Variants in EFEMP1 observed in about 807,000 individuals in gnomAD.
EFEMP1 encodes EGF-like fibulin extracellular matrix protein 1, also known as EGF-containing fibulin-like extracellular matrix protein 1.
Under a neutral mutation model 65.7 loss-of-function variants are expected in EFEMP1, and 18 were observed. The observed-to-expected ratio is 0.27, with a 90% confidence interval of 0.19 to 0.41. EFEMP1 has a LOEUF of 0.41. EFEMP1 is among the 10% of genes least tolerant of loss of function. The pLI is 1.00. For missense variants in EFEMP1, 469 were observed against 624.8 expected (o/e 0.75, Z 2.66); for synonymous variants, 237 against 219.7 (o/e 1.08, Z -0.70).
In EFEMP1 at chr2:55,867,560, T is replaced by C. The variant is rs568577905; in HGVS notation, c.1321-326A>G. Among the ~76,000 whole-genome samples, 2 of 152,278 alleles carry C rather than the reference T, an allele frequency of 1.3e-5. No homozygotes were observed. Among genetic ancestry groups the C allele is most frequent in the South Asian group, 4.1e-4 (2 of 4,822 alleles). ...AGAGACTAGAGCTTAAGTGAGAATCTGATAATTTCTAAACTTGTAAACAAA... is the reference window on the plus strand; with the variant it reads ...AGAGACTAGAGCTTAAGTGAGAATCCGATAATTTCTAAACTTGTAAACAAA... On this transcript the variant is annotated intron_variant, in intron 11 of 11. Coordinates refer to ENST00000355426, the MANE Select transcript of EFEMP1 (RefSeq NM_001039348.3). This position sits in a 1 kb window ranked among gnomAD's most constrained non-coding sequence, Gnocchi z 4.3.
intron 5 of EFEMP1, among the ~76,000 whole-genome samples, chr2:55,884,506 G>A (rs1669354264): frequency 6.6e-6 from 1 of 152,170 alleles, no homozygotes; most frequent in Non-Finnish European, 1.5e-5. Flanking sequence ...TCCCAGGAGT[G>A]TTGATGACAG....
At chr2:55,905,467 G>A (rs945283528) in intron 5 of EFEMP1, among the ~76,000 whole-genome samples, 1 of 152,076 alleles carries the variant, frequency 6.6e-6, no homozygotes, top group Admixed American at 6.6e-5. Context: ...GTGTGTGTGT[G>A]ACAGAGTTTC....
In EFEMP1 at chr2:55,881,922, T is replaced by G. The variant is rs367908924; in HGVS notation, c.518-188A>C. Among the ~76,000 whole-genome samples, 66 of 152,328 alleles carry G rather than the reference T, an allele frequency of 4.3e-4. 1 individual carries two copies. The highest frequency in any genetic ancestry group is 1.2e-3 in the African/African-American group (50 of 41,588). ...AAATAATTTTGCAAATACCAGTGAG[T>G]ACTGCTCAGATTTAACAAATGCTAA... On this transcript the variant is annotated intron_variant, in intron 5 of 11. Transcript: ENST00000355426.
intron 7 of EFEMP1, among the ~76,000 whole-genome samples, chr2:55,876,995 T>A (rs1669063323): frequency 6.6e-6 from 1 of 152,100 alleles, no homozygotes; most frequent in African/African-American, 2.4e-5. Flanking sequence ...TTTCTAGGAA[T>A]GACAGTTAGT....
chr2:55,875,078 AC>A lies in EFEMP1; in HGVS notation c.881-14del, dbSNP rs764405236. 1 of 1,586,446 alleles carries A rather than the reference AC, an allele frequency of 6.3e-7. No individual in the cohort carries two copies. The highest frequency in any genetic ancestry group is 8.6e-7 in the Non-Finnish European group (1 of 1,163,734). ...CATTCATCAATGTCTGTTGAATTAG[AC>A]AAGAGAAAGGACACAGAGTTGAAAA... On this transcript the variant is annotated splice_polypyrimidine_tract_variant and intron_variant, in intron 8 of 11. Coordinates refer to ENST00000355426, the MANE Select transcript of EFEMP1 (RefSeq NM_001039348.3).
chr2:55,899,659 C>A (rs1436580700), intron 5 of EFEMP1, among the ~76,000 whole-genome samples: 1 of 152,190 alleles, frequency 6.6e-6, no homozygotes, highest in African/African-American at 2.4e-5. Context: ...CATAATCTCT[C>A]AGTTGAGCCC....
At chr2:55,898,250 C>G (rs148269221) in intron 5 of EFEMP1, among the ~76,000 whole-genome samples, 1 of 152,236 alleles carries the variant, frequency 6.6e-6, no homozygotes, top group African/African-American at 2.4e-5. Context: ...TGATGCTTAT[C>G]TTTGTAATAC....
chr2:55,880,616 G>A (rs974306967), intron 6 of EFEMP1, among the ~76,000 whole-genome samples: 2 of 152,180 alleles, frequency 1.3e-5, no homozygotes. Context: ...ATTCTCAGGC[G>A]AAAACTGACG....
At chr2:55,905,648 C>T (rs528032633) in intron 5 of EFEMP1, among the ~76,000 whole-genome samples, 6 of 152,226 alleles carry the variant, frequency 3.9e-5, no homozygotes, top group East Asian at 1.9e-4. Context: ...AGGGTTTCAT[C>T]GTGTTGGTCA....
At chr2:55,911,163 A>G (rs920464324) in intron 5 of EFEMP1, among the ~76,000 whole-genome samples, 2 of 152,144 alleles carry the variant, frequency 1.3e-5, no homozygotes, top group African/African-American at 4.8e-5. Flanking sequence ...TTTAGATTGC[A>G]TACATCATGT....
chr2:55,918,598 C>G (rs1341009935), intron 3 of EFEMP1, among the ~76,000 whole-genome samples: 1 of 146,028 alleles, frequency 6.8e-6, no homozygotes, highest in African/African-American at 2.7e-5. Flanking sequence ...GCCTTTTTTC[C>G]CACATTGGAA....
chr2:55,910,892 G>T (rs1460092411), intron 5 of EFEMP1, among the ~76,000 whole-genome samples: 2 of 152,160 alleles, frequency 1.3e-5, no homozygotes. Flanking sequence ...TACAGTCAAA[G>T]TCAGAGTCAA....
chr2:55,869,763 T>C lies in EFEMP1; in HGVS notation c.1320+957A>G, dbSNP rs139097215. On this transcript the variant is annotated intron_variant, in intron 11 of 11. Coordinates refer to ENST00000355426, the MANE Select transcript of EFEMP1 (RefSeq NM_001039348.3). ...GAAAATTGTAACTGGATGAATAACATCATTAGCATGAAACAGTTACCGTAA... is the reference window on the plus strand; with the variant it reads ...GAAAATTGTAACTGGATGAATAACACCATTAGCATGAAACAGTTACCGTAA... Among the ~76,000 whole-genome samples the C allele has an allele frequency of 5.0e-3, 756 of 152,264 alleles. 5 individuals carry two copies. The highest frequency in any genetic ancestry group is 0.017 in the African/African-American group (723 of 41,560).
Position 55,867,527 on chromosome 2 carries a change from G to C in EFEMP1, c.1321-293C>G, listed in dbSNP as rs1488063208. On this transcript the variant is annotated intron_variant, in intron 11 of 11. Transcript: ENST00000355426. The surrounding 1 kb of genome is among the most constrained non-coding windows in gnomAD (Gnocchi z 4.3). ...TCTTCACTTTTATTGAGTAGTTGTG[G>C]ACTTTACAGAGACTAGAGCTTAAGT... Among the ~76,000 whole-genome samples, 1 of 151,648 alleles carries C rather than the reference G, an allele frequency of 6.6e-6. No homozygotes were observed. Among genetic ancestry groups the C allele is most frequent in the Non-Finnish European group, 1.5e-5 (1 of 67,946 alleles).
chr2:55,900,849 A>G (rs1332358531), intron 5 of EFEMP1, among the ~76,000 whole-genome samples: 3 of 152,150 alleles, frequency 2.0e-5, no homozygotes, highest in Non-Finnish European at 4.4e-5. Context: ...TCAGAGTGCT[A>G]TCCTACTTCA....
intron 5 of EFEMP1, among the ~76,000 whole-genome samples, chr2:55,902,962 T>C (rs1175292659): frequency 2.6e-5 from 4 of 152,258 alleles, no homozygotes; most frequent in Non-Finnish European, 5.9e-5. Flanking sequence ...TCTCTGTCTC[T>C]TTCTCTTTCC....
At position 55,866,488 on chromosome 2, in the gene EFEMP1, A is replaced by G. The variant is rs1668582722; in HGVS notation, c.*585T>C. Reference sequence around the variant, plus strand: ...TTCACAATCTAAAATTTCTGACAAAATTAAAAATACCCTACAGAAACCAGC... The same window carrying G: ...TTCACAATCTAAAATTTCTGACAAAGTTAAAAATACCCTACAGAAACCAGC... On this transcript the variant is annotated 3_prime_UTR_variant, in exon 12 of 12. Coordinates refer to ENST00000355426, the MANE Select transcript of EFEMP1 (RefSeq NM_001039348.3). 1 of 152,472 alleles carries G rather than the reference A, an allele frequency of 6.6e-6. No individual in the cohort carries two copies. The highest frequency in any genetic ancestry group is 2.4e-5 in the African/African-American group (1 of 41,454). The allele number at this position is 152,472 out of a possible 1,614,324, so 9.4% of individuals were successfully genotyped here. A position where few individuals can be genotyped will look rare whatever the true frequency, so the allele number is the denominator to read the frequency against.
intron 5 of EFEMP1, among the ~76,000 whole-genome samples, chr2:55,914,876 C>A (rs1386418021): frequency 2.0e-5 from 3 of 152,226 alleles, no homozygotes; most frequent in African/African-American, 7.2e-5. Flanking sequence ...CATTATTGTT[C>A]TAAACAGAGG....
chr2:55,877,649 CTATT>C lies in EFEMP1; in HGVS notation c.760+93_760+96del, dbSNP rs1284726927. 1.3e-6 allele frequency: 2 copies of C among 1,562,874 alleles called. No individual in the cohort carries two copies. Among genetic ancestry groups the C allele is most frequent in the Admixed American group, 1.7e-5 (1 of 59,348 alleles). ...ATTGCTGAAGGGAAGTCGATGGAAA[CTATT>C]TACTCAAGAACATAGAAAACTGGAA... On this transcript the variant is annotated intron_variant, in intron 7 of 11. Coordinates refer to ENST00000355426, the MANE Select transcript of EFEMP1 (RefSeq NM_001039348.3). This position sits in a 1 kb window ranked among gnomAD's most constrained non-coding sequence, Gnocchi z 4.5.
Sources: gnomAD v4.1 joint callset for allele counts (sites outside exome capture counted in the v4.1 genomes callset) on GRCh38, gnomAD v4.1.1 for gene constraint, Gnocchi (gnomAD v3.1) non-coding constraint, MANE v1.5 for transcripts, NCBI Gene and HGNC (gene_info 2026-07-23, HGNC 2026-07-21) for gene names.